Variants in CACNA1I observed in about 807,000 individuals in gnomAD.
The protein encoded by CACNA1I is voltage-dependent T-type calcium channel subunit alpha-1I.
In CACNA1I, 74 loss-of-function variants were observed where a neutral mutation model predicts 201.6. The observed-to-expected ratio is 0.37, with a 90% CI of 0.30 to 0.45. The LOEUF is 0.45. CACNA1I is among the 20% of genes least tolerant of loss of function. The pLI is 1.00. For missense variants in CACNA1I, 2,346 were observed against 3,138.1 expected (o/e 0.75, Z 6.03); for synonymous variants, 1,431 against 1,345.2 (o/e 1.06, Z -1.40).
Position 39,629,732 on chromosome 22 carries a change from C to T in CACNA1I, c.581-4833C>T, listed in dbSNP as rs934388754. 2.0e-5 allele frequency among the ~76,000 whole-genome samples: 3 copies of T among 152,226 alleles called. No homozygotes were observed. Among genetic ancestry groups the T allele is most frequent in the Non-Finnish European group, 2.9e-5 (2 of 68,024 alleles). On this transcript the variant is annotated intron_variant, in intron 4 of 36. Coordinates refer to ENST00000402142, the MANE Select transcript of CACNA1I (RefSeq NM_021096.4). This position sits in a 1 kb window ranked among gnomAD's most constrained non-coding sequence, Gnocchi z 4.8. ...CCCACGTGAGACCCCCGGGAGGCAGCGACCACACAGCTGTGGAGCCCACAG... is the reference window on the plus strand; with the variant it reads ...CCCACGTGAGACCCCCGGGAGGCAGTGACCACACAGCTGTGGAGCCCACAG...
At chr22:39,633,396 G>A (rs1934117681) in intron 4 of CACNA1I, among the ~76,000 whole-genome samples, 1 of 152,178 alleles carries the variant, frequency 6.6e-6, no homozygotes, top group African/African-American at 2.4e-5. Flanking sequence ...CCTAGGTTGT[G>A]CAGTATACAA....
rs1266382181 is a variant in CACNA1I, at chr22:39,668,397, A to G, written c.4194+16A>G. 2 of 1,564,902 alleles carry G rather than the reference A, an allele frequency of 1.3e-6. No homozygotes were observed. The highest frequency in any genetic ancestry group is 3.3e-5 in the Admixed American group (2 of 59,868). On this transcript the variant is annotated intron_variant, in intron 24 of 36. Transcript: ENST00000402142. ...GGACCAGCAGGTGGGTGTAGCTGGG[A>G]CCAGGCCAAGCCTTGATGCAGGGAG... is the stretch of plus-strand genomic sequence containing the variant.
Position 39,662,768 on chromosome 22 carries a change from C to T in CACNA1I, c.3373-8C>T, listed in dbSNP as rs778333345. 2.4e-5 allele frequency: 38 copies of T among 1,565,052 alleles called. No homozygotes were observed. Among genetic ancestry groups the T allele is most frequent in the Non-Finnish European group, 3.3e-5 (38 of 1,154,092 alleles). ...CTGACCCCCGGCGCTCCGTCCTCCT[C>T]TTGCTAGACCCTGTGCTTCCGCGTC... On this transcript the variant is annotated splice_region_variant and splice_polypyrimidine_tract_variant and intron_variant, in intron 17 of 36. Transcript: ENST00000402142.
At position 39,570,946 on chromosome 22, in the gene CACNA1I, C is replaced by A; in HGVS notation, c.194C>A (p.Thr65Asn). The part of the protein sequence containing the change: ...APIAFFCLRQ[T>N]TSPRNWCIKM... ...ATTGCCTTCTTCTGCCTGCGACAGA[C>A]CACCAGCCCCCGGAACTGGTGCATC... is the stretch of plus-strand genomic sequence containing the variant. The change falls in exon 1 of 37, where the codon ACC becomes AAC. Residue 65 changes from threonine (T) to asparagine (N), a missense_variant. Physicochemically the swap from Thr to Asn is moderately conservative, Grantham distance 65. Around this residue, in one of 13 missense-constraint regions of CACNA1I, gnomAD observed 130 missense variants for 160.7 expected, o/e 0.81. Transcript: ENST00000402142. The A allele has an allele frequency of 6.2e-7, 1 of 1,613,870 alleles. No homozygotes were observed.
intron 3 of CACNA1I, among the ~76,000 whole-genome samples, chr22:39,619,035 C>A (rs1420447588): frequency 6.6e-6 from 1 of 152,192 alleles, no homozygotes; most frequent in Non-Finnish European, 1.5e-5. Flanking sequence ...AGCCACCTGG[C>A]ACAGCGCTGG....
chr22:39,620,954 C>G (rs2146395513), intron 4 of CACNA1I, among the ~76,000 whole-genome samples: 1 of 152,244 alleles, frequency 6.6e-6, no homozygotes, highest in South Asian at 2.1e-4. Context: ...GATGAGGTTT[C>G]ACCATATTGG....
intron 4 of CACNA1I, among the ~76,000 whole-genome samples, chr22:39,628,681 G>T (rs1933964459): frequency 6.6e-6 from 1 of 152,088 alleles, no homozygotes; most frequent in African/African-American, 2.4e-5. Flanking sequence ...GCCTGGCCAG[G>T]CCTCTTGGTG....
chr22:39,590,737 C>T lies in CACNA1I; in HGVS notation c.237-7414C>T, dbSNP rs116868635. Among the ~76,000 whole-genome samples, 235 of 152,376 alleles carry T rather than the reference C, an allele frequency of 1.5e-3. 9 individuals carry two copies. The East Asian group carries it at 0.039, about 25-fold the overall frequency. The stretch of plus-strand genomic sequence containing the variant: ...AACCACCTCCTGTGGCCTTAGTTTC[C>T]TTTCCTGTGAAGTGGGGATAACGGT... On this transcript the variant is annotated intron_variant, in intron 1 of 36. Transcript: ENST00000402142.
At chr22:39,586,328 C>T (rs1427501072) in intron 1 of CACNA1I, among the ~76,000 whole-genome samples, 2 of 151,984 alleles carry the variant, frequency 1.3e-5, no homozygotes, top group South Asian at 2.1e-4. Flanking sequence ...CCCTTCTCTA[C>T]TAAAAATACA....
At chr22:39,586,575 G>T (rs186665746) in intron 1 of CACNA1I, among the ~76,000 whole-genome samples, 7 of 152,278 alleles carry the variant, frequency 4.6e-5, no homozygotes, top group African/African-American at 1.7e-4. Context: ...AAGAACCCCT[G>T]TTCTAGAAGA....
intron 33 of CACNA1I, among the ~76,000 whole-genome samples, chr22:39,680,121 C>A (rs1935658888): frequency 2.0e-5 from 3 of 152,204 alleles, no homozygotes; most frequent in Non-Finnish European, 4.4e-5. Context: ...AGGGCAGCTG[C>A]CCCACCTTGT....
intron 26 of CACNA1I, among the ~76,000 whole-genome samples, chr22:39,671,570 C>A (rs1379703809): frequency 6.6e-6 from 1 of 151,988 alleles, no homozygotes; most frequent in Non-Finnish European, 1.5e-5. Context: ...ATGTGAGGGG[C>A]ATGTGAGGAG....
chr22:39,578,079 C>T (rs1782824541), intron 1 of CACNA1I, among the ~76,000 whole-genome samples: 1 of 152,104 alleles, frequency 6.6e-6, no homozygotes, highest in African/African-American at 2.4e-5. Flanking sequence ...GCGGAGACGC[C>T]TAGGGCTTGG....
At chr22:39,626,455 G>A (rs1933902945) in intron 4 of CACNA1I, among the ~76,000 whole-genome samples, 1 of 152,286 alleles carries the variant, frequency 6.6e-6, no homozygotes, top group Admixed American at 6.5e-5. Flanking sequence ...GGTGTGCCTG[G>A]CAGATAGATT....
chr22:39,583,365 TATCC>T (rs61259535), intron 1 of CACNA1I, among the ~76,000 whole-genome samples: 1,609 of 145,184 alleles, frequency 0.011, 23 homozygotes, highest in East Asian at 0.04. Context: ...TCCAACCATC[TATCC>T]ATCCATCCAT....
intron 3 of CACNA1I, among the ~76,000 whole-genome samples, chr22:39,603,832 G>A (rs932927853): frequency 6.6e-6 from 1 of 152,172 alleles, no homozygotes; most frequent in African/African-American, 2.4e-5. Context: ...TGAGATTAGA[G>A]TCAAAACTGG....
chr22:39,588,128 ATT>A (rs35332612), intron 1 of CACNA1I, among the ~76,000 whole-genome samples: 189 of 90,574 alleles, frequency 2.1e-3, no homozygotes, highest in Middle Eastern at 8.6e-3. Flanking sequence ...GTTGCTCTTC[ATT>A]TTTTTTTTTT....
intron 29 of CACNA1I, among the ~76,000 whole-genome samples, chr22:39,675,170 C>T (rs958605420): frequency 1.3e-5 from 2 of 152,338 alleles, no homozygotes; most frequent in Non-Finnish European, 2.9e-5. Flanking sequence ...GCTTTTCGTG[C>T]CTCAGTTTCC....
chr22:39,618,198 C>CGT (rs1214722507), intron 3 of CACNA1I, among the ~76,000 whole-genome samples: 1 of 137,322 alleles, frequency 7.3e-6, no homozygotes, highest in African/African-American at 2.8e-5. Flanking sequence ...TGGTTGTGTA[C>CGT]GTGTGTGTGA....
Sources: allele counts gnomAD v4.1 joint callset (sites outside exome capture counted in the v4.1 genomes callset), GRCh38; gene constraint gnomAD v4.1.1; regional missense constraint gnomAD v4.1.1; non-coding constraint Gnocchi (gnomAD v3.1); transcripts MANE v1.5; gene names NCBI Gene and HGNC (gene_info 2026-07-23, HGNC 2026-07-21).